Variants in STEEP1 observed in about 807,000 individuals in gnomAD.
STEEP1 encodes STING1 ER exit protein 1, also known as STING ER exit protein.
STEEP1 carries 3 observed loss-of-function variants against 19.2 expected under a neutral mutation model. That is an observed-to-expected ratio of 0.16 (90% CI 0.07 to 0.40). STEEP1 has a LOEUF of 0.40. STEEP1 is among the 10% of genes least tolerant of loss of function. STEEP1 has a pLI of 0.99. For synonymous variants in STEEP1, 46 were observed against 63.7 expected (o/e 0.72, Z 1.32); for missense variants, 54 against 177.1 (o/e 0.30, Z 3.94).
At position 119,542,997 on chromosome X, in the gene STEEP1, C is replaced by CAAAAAAAAAAAA. The variant is rs60574433; in HGVS notation, c.424-415_424-404dup. 1.9e-4 allele frequency among the ~76,000 whole-genome samples: 9 copies of CAAAAAAAAAAAA among 47,897 alleles called. 1 individual carries two copies. Among genetic ancestry groups the CAAAAAAAAAAAA allele is most frequent in the East Asian group, 5.9e-4 (1 of 1,700 alleles). The allele number at this position is 47,897 out of a possible 115,157, so 41.6% of individuals were successfully genotyped here. ...ACATTTTTGTAGAGACTGGGTCTCG[C>CAAAAAAAAAAAA]AAAAAAAAAAAAAAAAAAAAAAAAA... On this transcript the variant is annotated intron_variant, in intron 4 of 6. Coordinates refer to ENST00000644802, the MANE Select transcript of STEEP1 (RefSeq NM_022101.4).
At chrX:119,544,114 C>T (rs547884669) in intron 4 of STEEP1, among the ~76,000 whole-genome samples, 9 of 110,188 alleles carry the variant, frequency 8.2e-5, no homozygotes, top group Admixed American at 6.8e-4. Context: ...TCTCATGTAC[C>T]CCATAAATAT....
intron 2 of STEEP1, among the ~76,000 whole-genome samples, chrX:119,545,834 G>A (rs937680191): frequency 5.6e-5 from 6 of 106,935 alleles, no homozygotes; most frequent in East Asian, 3.0e-4. Context: ...CGGAGGTTGC[G>A]GTGAGCCGAG....
intron 6 of STEEP1, among the ~76,000 whole-genome samples, chrX:119,540,312 T>C (rs1197452801): frequency 8.9e-6 from 1 of 111,942 alleles, no homozygotes; most frequent in African/African-American, 3.2e-5. Context: ...ATTTTATAAA[T>C]TACAAATCTG....
At chrX:119,553,166 A>T (rs2053255397) in intron 2 of STEEP1, among the ~76,000 whole-genome samples, 1 of 57,106 alleles carries the variant, frequency 1.8e-5, no homozygotes, top group Non-Finnish European at 3.9e-5. Context: ...AAAAAAAAAA[A>T]GTGGAAAACA....
intron 1 of STEEP1, among the ~76,000 whole-genome samples, chrX:119,563,197 G>C (rs941681802): frequency 8.9e-6 from 1 of 111,979 alleles, no homozygotes; most frequent in African/African-American, 3.2e-5. Flanking sequence ...ACGAGAGCAA[G>C]AGACTATTGT....
At chrX:119,559,216 CAAA>C (rs767261970) in intron 2 of STEEP1, among the ~76,000 whole-genome samples, 1 of 101,039 alleles carries the variant, frequency 9.9e-6, no homozygotes, top group African/African-American at 3.7e-5. Context: ...GAAACTCCGT[CAAA>C]AAAAAAAAAA....
At chrX:119,542,709 C>T (rs758223924) in intron 4 of STEEP1, 115 bp from the exon 5 acceptor site, 40 of 444,182 alleles carry the variant, frequency 9.0e-5, no homozygotes, top group Non-Finnish European at 1.5e-4. Flanking sequence ...GAAACACTAC[C>T]TCTTTGGGAC....
Position 119,565,384 on chromosome X carries a change from C to T in STEEP1, c.-29G>A. On this transcript the variant is annotated 5_prime_UTR_variant, in exon 1 of 7. Transcript: ENST00000644802. Reference sequence around the variant, plus strand: ...TCCCAAGAGCAATCTGAAAACTCTACGCCAAGAAGAGGGTCGCCCCGAAAT... The same window carrying T: ...TCCCAAGAGCAATCTGAAAACTCTATGCCAAGAAGAGGGTCGCCCCGAAAT... The T allele has an allele frequency of 8.8e-7, 1 of 1,131,698 alleles. No individual in the cohort carries two copies. The highest frequency in any genetic ancestry group is 1.2e-6 in the Non-Finnish European group (1 of 830,044). 93.3% of individuals were successfully genotyped at this position (1,131,698 alleles called of 1,213,427 possible).
At chrX:119,540,746 A>T (rs1488264300) in intron 6 of STEEP1, among the ~76,000 whole-genome samples, 1 of 112,456 alleles carries the variant, frequency 8.9e-6, no homozygotes, top group Non-Finnish European at 1.9e-5. Flanking sequence ...CACAAGAAGC[A>T]GATTAAAATA....
At chrX:119,561,825 C>A (rs959997745) in intron 1 of STEEP1, among the ~76,000 whole-genome samples, 1 of 111,801 alleles carries the variant, frequency 8.9e-6, no homozygotes, top group Non-Finnish European at 1.9e-5. Flanking sequence ...CATGTCAGCT[C>A]ATTTACTCTT....
In STEEP1 at chrX:119,542,055, C is replaced by CTTTTTTTTTT. The variant is rs201339708; in HGVS notation, c.513+440_513+449dup. Among the ~76,000 whole-genome samples, 108 of 82,890 alleles carry CTTTTTTTTTT rather than the reference C, an allele frequency of 1.3e-3. 6 individuals are homozygous for CTTTTTTTTTT. Among genetic ancestry groups the CTTTTTTTTTT allele is most frequent in the Non-Finnish European group, 1.7e-3 (74 of 43,582 alleles). 72.0% of individuals were successfully genotyped at this position (82,890 alleles called of 115,157 possible). A position where few individuals can be genotyped will look rare whatever the true frequency, so the allele number is the denominator to read the frequency against. ...TCACTGTCAGAGTTTCTTTTCTTTT[C>CTTTTTTTTTT]TTTTTTTTTTTTTTTTTTTTTTTTT... On this transcript the variant is annotated intron_variant, in intron 5 of 6. Coordinates refer to ENST00000644802, the MANE Select transcript of STEEP1 (RefSeq NM_022101.4).
At chrX:119,544,981 T>C (rs1343435529) in intron 3 of STEEP1, among the ~76,000 whole-genome samples, 2 of 110,197 alleles carry the variant, frequency 1.8e-5, no homozygotes, top group East Asian at 5.8e-4. Flanking sequence ...TGGTCAAAGA[T>C]ACAACTTTGA....
chrX:119,559,551 G>A (rs1383426446), intron 2 of STEEP1, among the ~76,000 whole-genome samples: 5 of 110,692 alleles, frequency 4.5e-5, no homozygotes, highest in African/African-American at 1.6e-4. Context: ...TTTTCCTTTC[G>A]TTCAGAAGAC....
intron 2 of STEEP1, among the ~76,000 whole-genome samples, chrX:119,558,933 T>C (rs745709904): frequency 1.9e-4 from 21 of 110,715 alleles, no homozygotes; most frequent in African/African-American, 5.9e-4. Context: ...AAAACAGAGA[T>C]AGGCCGGGCG....
At chrX:119,565,048 A>C in intron 1 of STEEP1, 184 bp downstream of exon 1, 1 of 585,715 alleles carries the variant, frequency 1.7e-6, no homozygotes, top group Non-Finnish European at 2.3e-6. Context: ...GGCTAAACAA[A>C]AAGCAGGAAA....
At chrX:119,564,201 G>A (rs2053340756) in intron 1 of STEEP1, among the ~76,000 whole-genome samples, 1 of 111,477 alleles carries the variant, frequency 9.0e-6, no homozygotes, top group African/African-American at 3.3e-5. Flanking sequence ...AGCCAGACAA[G>A]GGGAAAAATC....
intron 1 of STEEP1, among the ~76,000 whole-genome samples, chrX:119,561,255 A>G (rs1489259391): frequency 9.0e-6 from 1 of 111,272 alleles, no homozygotes; most frequent in Non-Finnish European, 1.9e-5. Flanking sequence ...AAAAAAAAGG[A>G]AGAGAGAGGG....
intron 2 of STEEP1, among the ~76,000 whole-genome samples, chrX:119,557,456 G>A (rs76361305): frequency 1.2e-5 from 1 of 83,100 alleles, no homozygotes; most frequent in African/African-American, 5.0e-5. Flanking sequence ...AAACTAGCCA[G>A]GCATGGTAGC....
intron 2 of STEEP1, among the ~76,000 whole-genome samples, chrX:119,555,714 C>T (rs1245697456): frequency 9.0e-6 from 1 of 110,583 alleles, no homozygotes; most frequent in Non-Finnish European, 1.9e-5. Context: ...AACGGCAGTG[C>T]AGCAGGGCTG....
Sources: allele counts gnomAD v4.1 joint callset (sites outside exome capture counted in the v4.1 genomes callset), GRCh38; gene constraint gnomAD v4.1.1; transcripts MANE v1.5; gene names NCBI Gene and HGNC (gene_info 2026-07-23, HGNC 2026-07-21).